The following NOA1 variants were observed in gnomAD, a reference collection of about 807,000 sequenced individuals.
NOA1 encodes the protein nitric oxide associated 1, also known as nitric oxide-associated protein 1.
In NOA1, 35 loss-of-function variants were observed where a neutral mutation model predicts 58.4. The observed-to-expected ratio is 0.60, with a 90% CI of 0.46 to 0.79. The LOEUF is 0.79. Ranked by LOEUF, NOA1 falls within the 30% of genes least tolerant of loss-of-function variation. The pLI, the probability that NOA1 is intolerant of heterozygous loss-of-function variation, is 0.00. For synonymous variants in NOA1, 397 were observed against 373.4 expected (o/e 1.06, Z -0.73); for missense variants, 895 against 894.6 (o/e 1.00, Z -0.01).
At chr4:56,966,595 A>C (rs370323847) in intron 5 of NOA1, 25 bp downstream of exon 5, 1 of 1,368,352 alleles carries the variant, frequency 7.3e-7, no homozygotes, top group Non-Finnish European at 1.0e-6. Flanking sequence ...AACCATAACC[A>C]TGCAATCAAG....
intron 5 of NOA1, 126 bp downstream of exon 5, chr4:56,966,494 G>A (rs962675858): frequency 4.4e-5 from 27 of 614,224 alleles, no homozygotes; most frequent in Middle Eastern, 2.7e-4. Flanking sequence ...AAGAGAATGA[G>A]GTGAGGGAAA....
rs1721714926 is a variant in NOA1 at position 56,966,608 on chromosome 4, A to T, written c.1764+12T>A. ...CTAACCATAACCATGCAATCAAGGC[A>T]TGTTGCCTTACCTGGAGTAACGTAT... On this transcript the variant is annotated intron_variant, in intron 5 of 6. Transcript: ENST00000264230. 6.6e-7 allele frequency: 1 copy of T among 1,515,112 alleles called. No homozygotes were observed. Among genetic ancestry groups the T allele is most frequent in the Non-Finnish European group, 9.2e-7 (1 of 1,090,694 alleles). 93.9% of individuals were successfully genotyped at this position (1,515,112 alleles called of 1,614,324 possible).
At position 56,970,514 on chromosome 4, in the gene NOA1, G is replaced by A. The variant is rs778863057; in HGVS notation, c.1516-1999C>T. Reference sequence around the variant, plus strand: ...CTGTTGCCCAGGCTGGGCTGCAGTGGCATGATCTCGGCTCACTGCAACCTC... The same window carrying A: ...CTGTTGCCCAGGCTGGGCTGCAGTGACATGATCTCGGCTCACTGCAACCTC... On this transcript the variant is annotated intron_variant, in intron 3 of 6. Transcript: ENST00000264230. 3.9e-4 allele frequency among the ~76,000 whole-genome samples: 59 copies of A among 151,338 alleles called. 2 individuals carry two copies. The highest frequency in any genetic ancestry group is 2.0e-4 in the Admixed American group (3 of 15,230).
Position 56,976,686 on chromosome 4 carries a change from C to T in NOA1, c.900G>A (p.Pro300=), listed in dbSNP as rs1236072679. ...CTGTGCGGGACCAGTTCGGCGGATT[C>T]GGATTCTCCCCGTCCTGTGGCTCGT... is the stretch of plus-strand genomic sequence containing the variant. ...VKDEPQDGEN[P]NPPNWSRTVV... is the part of the protein sequence containing the mutation. Residue 300 remains proline, a synonymous_variant, in exon 1 of 7, where the codon CCG becomes CCA. Coordinates refer to ENST00000264230, the MANE Select transcript of NOA1 (RefSeq NM_032313.4). 1 of 1,613,700 alleles carries T rather than the reference C, an allele frequency of 6.2e-7. No individual in the cohort carries two copies. The highest frequency in any genetic ancestry group is 1.3e-5 in the African/African-American group (1 of 75,072).
chr4:56,974,345 G>C (rs970941232), intron 1 of NOA1, among the ~76,000 whole-genome samples: 2 of 152,206 alleles, frequency 1.3e-5, no homozygotes, highest in South Asian at 2.1e-4. Context: ...GGGGCAGTCA[G>C]TTTTGTCAAC....
At chr4:56,970,725 G>A (rs1578539692) in intron 3 of NOA1, among the ~76,000 whole-genome samples, 2 of 152,134 alleles carry the variant, frequency 1.3e-5, no homozygotes, top group East Asian at 3.9e-4. Context: ...GCCTCCCAAA[G>A]TGCTGGGACT....
Position 56,973,325 on chromosome 4 carries a change from T to A in NOA1, c.1338A>T (p.Ser446=). The change falls in exon 3 of 7, where the codon TCA becomes TCT. Residue 446 remains serine, a synonymous_variant. Coordinates refer to ENST00000264230, the MANE Select transcript of NOA1 (RefSeq NM_032313.4). ...AGGGAATGTTATCCTTCTGTTCTTC[T>A]GAATACAAGAATGTCCTTCCAACTC... ...VGRVGRTFLY[S]EEQKDNIPFE... The A allele has an allele frequency of 6.2e-7, 1 of 1,614,116 alleles. No individual in the cohort carries two copies. Among genetic ancestry groups the A allele is most frequent in the Non-Finnish European group, 8.5e-7 (1 of 1,179,988 alleles).
In NOA1 at chr4:56,968,409, G is replaced by A. The variant is rs1295557403; in HGVS notation, c.1622C>T (p.Ala541Val). The A allele has an allele frequency of 1.2e-6, 2 of 1,612,564 alleles. No individual in the cohort carries two copies. Among genetic ancestry groups the A allele is most frequent in the South Asian group, 2.2e-5 (2 of 90,400 alleles). The change falls in exon 4 of 7, where the codon GCT (alanine) becomes GTT (valine). Residue 541 changes from alanine (A) to valine (V), a missense_variant. Around this residue, in one of 3 missense-constraint regions of NOA1, gnomAD observed 212 missense variants for 221.3 expected, o/e 0.96. Coordinates refer to ENST00000264230, the MANE Select transcript of NOA1 (RefSeq NM_032313.4). ...CTGCAGGAAATCTATGCGGCCTATA[G>A]CACCCAAAAACAGAACCATTCCTGG... ...LKPGMVLFLG[A>V]IGRIDFLQGN...
chr4:56,964,388 T>C lies in NOA1; in HGVS notation c.1885+18A>G, dbSNP rs904351872. On this transcript the variant is annotated intron_variant, in intron 6 of 6. Transcript: ENST00000264230. ...GCCCTTTTATTCACTTTTTAAAAAG[T>C]GCTTGGCATAAAATTACCTGCAGAG... is the stretch of plus-strand genomic sequence containing the variant. The C allele has an allele frequency of 2.5e-6, 4 of 1,613,796 alleles. No individual in the cohort carries two copies. Among genetic ancestry groups the C allele is most frequent in the Non-Finnish European group, 3.4e-6 (4 of 1,179,860 alleles).
chr4:56,964,071 TG>T (rs1188865629), intron 6 of NOA1, among the ~76,000 whole-genome samples: 1 of 151,944 alleles, frequency 6.6e-6, no homozygotes, highest in Non-Finnish European at 1.5e-5. Context: ...ATTCACTTTT[TG>T]TTTTTTTTTT....
rs1044893469 is a variant in NOA1, at chr4:56,968,555, T to C, written c.1516-40A>G. ...GCAGATTTTTAAGAAAATACTTTTA[T>C]TGAAAATATGATATATTATGATTTA... On this transcript the variant is annotated intron_variant, in intron 3 of 6. Coordinates refer to ENST00000264230, the MANE Select transcript of NOA1 (RefSeq NM_032313.4). The C allele has an allele frequency of 2.1e-6, 3 of 1,454,378 alleles. No individual in the cohort carries two copies. The African/African-American group carries it at 4.3e-5, about 21-fold the overall frequency. The allele number at this position is 1,454,378 out of a possible 1,614,324, so 90.1% of individuals were successfully genotyped here.
intron 1 of NOA1, among the ~76,000 whole-genome samples, chr4:56,975,363 G>A (rs1479066777): frequency 6.6e-6 from 1 of 151,356 alleles, no homozygotes; most frequent in Non-Finnish European, 1.5e-5. Flanking sequence ...GGGAGCAGTG[G>A]CTCACACCTG....
chr4:56,977,428 G>A lies in NOA1; in HGVS notation c.158C>T (p.Pro53Leu), dbSNP rs1721972392. ...QHSSSLGREL[P>L]YDPVDTEGFG... ...GCCCTCCGTGTCCACGGGGTCATAA[G>A]GAAGCTCGCGTCCCAGACTCGATGA... Residue 53 changes from proline to leucine, a missense_variant, in exon 1 of 7, where the codon CCT becomes CTT. Pro to Leu is a moderately conservative substitution (Grantham distance 98). Transcript: ENST00000264230. 6.2e-7 allele frequency: 1 copy of A among 1,614,076 alleles called. No individual in the cohort carries two copies. Among genetic ancestry groups the A allele is most frequent in the Admixed American group, 1.7e-5 (1 of 60,014 alleles).
Position 56,976,346 on chromosome 4 carries a change from G to A in NOA1, c.1144+96C>T, listed in dbSNP as rs148581425. ...GTAAAGGGAAGGGTACAGGCAGCCCGCAGTGGACATTAAGGGAGGATGTAC... is the reference window on the plus strand; with the variant it reads ...GTAAAGGGAAGGGTACAGGCAGCCCACAGTGGACATTAAGGGAGGATGTAC... On this transcript the variant is annotated intron_variant, in intron 1 of 6. Transcript: ENST00000264230. 7.5e-4 allele frequency: 785 copies of A among 1,049,706 alleles called. 9 individuals carry two copies. In the East Asian group the frequency reaches 0.019, roughly 26 times the overall value. 65.0% of individuals were successfully genotyped at this position (1,049,706 alleles called of 1,614,324 possible).
Position 56,977,061 on chromosome 4 carries a change from T to G in NOA1, c.525A>C (p.Ala175=). ...GCCAGCAGCGCTGGCACACGGTCCG[T>G]GCCAGCCCGCCGTCTGCCTCCGCCG... is the stretch of plus-strand genomic sequence containing the variant. ...LRTAEADGGL[A]RTVCQRCWLL... The change falls in exon 1 of 7, where the codon GCA becomes GCC. Residue 175 remains alanine (A), a synonymous_variant. Transcript: ENST00000264230. The G allele has an allele frequency of 6.3e-7, 1 of 1,578,790 alleles. No homozygotes were observed. Among genetic ancestry groups the G allele is most frequent in the South Asian group, 1.1e-5 (1 of 89,764 alleles).
intron 2 of NOA1, 61 bp downstream of exon 2, chr4:56,973,797 G>A (rs1721850712): frequency 6.5e-7 from 1 of 1,538,750 alleles, no homozygotes; most frequent in East Asian, 2.3e-5. Context: ...TGTATTTCAG[G>A]TTGCTTAACA....
Position 56,977,383 on chromosome 4 carries a change from A to C in NOA1, c.203T>G (p.Met68Arg). 1 of 1,614,204 alleles carries C rather than the reference A, an allele frequency of 6.2e-7. No homozygotes were observed. The highest frequency in any genetic ancestry group is 1.1e-5 in the South Asian group (1 of 91,088). The change falls in exon 1 of 7, where the codon ATG (methionine) becomes AGG (arginine). Residue 68 changes from methionine to arginine, a missense_variant. By Grantham distance (91) the Met-to-Arg change is moderately conservative. This residue lies in a region of NOA1 where 680 missense variants were observed against 656.5 expected (regional missense o/e 1.04). Coordinates refer to ENST00000264230, the MANE Select transcript of NOA1 (RefSeq NM_032313.4). ...CTCCGGGAACAGAAAACGCTCCTGC[A>C]TGTCACCACCTTCTCCAAAGCCCTC... ...DTEGFGEGGD[M>R]QERFLFPEYI...
chr4:56,977,551 C>G lies in NOA1; in HGVS notation c.35G>C (p.Ser12Thr). Residue 12 changes from serine to threonine, a missense_variant, in exon 1 of 7, where the codon AGC becomes ACC. Physicochemically the swap from Ser to Thr is moderately conservative, Grantham distance 58. Coordinates refer to ENST00000264230, the MANE Select transcript of NOA1 (RefSeq NM_032313.4). Reference protein sequence around the residue: ...LPARLPFRLLSLFLRGSAPTA... With the variant: ...LPARLPFRLLTLFLRGSAPTA... ...GGGAGCGGATCCACGAAGGAAAAGG[C>G]TCAGCAGCCTGAACGGTAGGCGAGC... 2.5e-6 allele frequency: 4 copies of G among 1,608,410 alleles called. No individual in the cohort carries two copies. The highest frequency in any genetic ancestry group is 3.4e-6 in the Non-Finnish European group (4 of 1,177,426).
At chr4:56,968,282 G>A (rs781010769) in intron 4 of NOA1, 102 bp downstream of exon 4, 41 of 1,211,996 alleles carry the variant, frequency 3.4e-5, no homozygotes, top group Non-Finnish European at 4.8e-5. Context: ...TACAATCATG[G>A]CTTAGTTATC....
Sources: gnomAD v4.1 joint callset for allele counts (sites outside exome capture counted in the v4.1 genomes callset) on GRCh38, gnomAD v4.1.1 for gene constraint, gnomAD v4.1.1 regional missense constraint, MANE v1.5 for transcripts, NCBI Gene and HGNC (gene_info 2026-07-23, HGNC 2026-07-21) for gene names.